The following DSCAM variants were observed in gnomAD, a reference collection of about 807,000 sequenced individuals.
DSCAM encodes the protein DS cell adhesion molecule.
A neutral mutation model predicts 217.7 loss-of-function variants in DSCAM; 47 were observed. That is an observed-to-expected ratio of 0.22 (90% CI 0.17 to 0.28). The LOEUF (loss-of-function observed/expected upper bound fraction) is 0.28, where lower values mean the gene tolerates loss of function less well. Ranked by LOEUF, DSCAM falls within the 10% of genes least tolerant of loss-of-function variation. The pLI, the probability that DSCAM is intolerant of heterozygous loss-of-function variation, is 1.00. For missense variants in DSCAM, 2,080 were observed against 2,618.3 expected, an observed-to-expected ratio of 0.79 and a Z score of 4.49; for synonymous variants, 1,056 against 1,015.3, an observed-to-expected ratio of 1.04 and a Z score of -0.76.
chr21:40,098,580 A>G (rs2089711804), intron 20 of DSCAM, among the ~76,000 whole-genome samples: 1 of 152,192 alleles, frequency 6.6e-6, no homozygotes, highest in Admixed American at 6.5e-5. Flanking sequence ...ACTTACTTTT[A>G]CTCTTGTTAG....
At chr21:40,017,824 T>A (rs2088191693) in intron 32 of DSCAM, among the ~76,000 whole-genome samples, 3 of 152,230 alleles carry the variant, frequency 2.0e-5, no homozygotes, top group Admixed American at 6.5e-5. Flanking sequence ...AGTGTTGGGA[T>A]TACAGGCGTG....
intron 8 of DSCAM, among the ~76,000 whole-genome samples, chr21:40,336,986 A>G (rs1448716670): frequency 1.3e-5 from 2 of 152,216 alleles, no homozygotes; most frequent in Non-Finnish European, 2.9e-5. Context: ...GGTTATTAAA[A>G]ACCGATTTAT....
intron 9 of DSCAM, among the ~76,000 whole-genome samples, chr21:40,300,429 G>C (rs761902325): frequency 2.8e-4 from 42 of 152,186 alleles, no homozygotes; most frequent in Non-Finnish European, 4.3e-4. Context: ...TGAGTAGTCT[G>C]GTTATGTGGG....
chr21:40,165,673 T>C (rs1387513658), intron 16 of DSCAM, among the ~76,000 whole-genome samples: 3 of 152,202 alleles, frequency 2.0e-5, no homozygotes, highest in Admixed American at 6.5e-5. Flanking sequence ...AGATCCTCTG[T>C]GGACAGACAC....
chr21:40,215,899 T>G lies in DSCAM; in HGVS notation c.2357-26661A>C, dbSNP rs1210688361. Among the ~76,000 whole-genome samples the G allele has an allele frequency of 3.3e-5, 5 of 151,492 alleles. No homozygotes were observed. In the East Asian group the frequency reaches 9.7e-4, roughly 29 times the overall value. On this transcript the variant is annotated intron_variant, in intron 11 of 32. Coordinates refer to ENST00000400454, the MANE Select transcript of DSCAM (RefSeq NM_001389.5). ...ATAAATGACTGCCATTTTGTCTACA[T>G]TCTGTATAAAAAAGGTGAAACTGCT...
chr21:40,569,955 G>A (rs1263125411), intron 3 of DSCAM, among the ~76,000 whole-genome samples: 1 of 152,158 alleles, frequency 6.6e-6, no homozygotes, highest in African/African-American at 2.4e-5. Context: ...AAGGACAAAT[G>A]TAGTGAACAA....
chr21:40,193,090 G>T (rs1180093703), intron 11 of DSCAM, among the ~76,000 whole-genome samples: 1 of 152,154 alleles, frequency 6.6e-6, no homozygotes, highest in Non-Finnish European at 1.5e-5. Context: ...TTAAGATTCA[G>T]CATTTATGGT....
At chr21:40,776,845 A>C (rs945013146) in intron 1 of DSCAM, among the ~76,000 whole-genome samples, 1 of 152,228 alleles carries the variant, frequency 6.6e-6, no homozygotes, top group African/African-American at 2.4e-5. Flanking sequence ...TCAAGATGGT[A>C]GAATGAGCTA....
At chr21:40,402,260 G>A (rs796181230) in intron 3 of DSCAM, among the ~76,000 whole-genome samples, 121 of 148,900 alleles carry the variant, frequency 8.1e-4, no homozygotes, top group African/African-American at 2.7e-3. Context: ...TAGTAGAGAC[G>A]GGGTTTCACT....
chr21:40,230,058 C>G (rs1413144169), intron 11 of DSCAM, among the ~76,000 whole-genome samples: 2 of 152,214 alleles, frequency 1.3e-5, no homozygotes, highest in Non-Finnish European at 2.9e-5. Flanking sequence ...ATTTCAAGGT[C>G]ATTTTAACTT....
chr21:40,054,052 T>A (rs1483442051), intron 29 of DSCAM, among the ~76,000 whole-genome samples: 1 of 152,210 alleles, frequency 6.6e-6, no homozygotes, highest in Non-Finnish European at 1.5e-5. Context: ...GCTTATAAAA[T>A]TATATGGTCA....
At chr21:40,468,370 A>G (rs2075861707) in intron 3 of DSCAM, among the ~76,000 whole-genome samples, 1 of 152,192 alleles carries the variant, frequency 6.6e-6, no homozygotes, top group Admixed American at 6.5e-5. Context: ...ATTTCATAGC[A>G]GAGACAGAGA....
At chr21:40,513,425 T>G (rs570695137) in intron 3 of DSCAM, 1 of 152,260 alleles carries the variant, frequency 6.6e-6, no homozygotes, top group African/African-American at 2.4e-5. Flanking sequence ...AAAGAAAAGA[T>G]TGATTTGGCT....
intron 3 of DSCAM, among the ~76,000 whole-genome samples, chr21:40,435,983 T>A (rs1419728327): frequency 1.3e-5 from 2 of 152,194 alleles, no homozygotes; most frequent in Non-Finnish European, 1.5e-5. Context: ...ATTCAACACA[T>A]TTTACAAGAC....
chr21:40,563,674 GTTTAT>G (rs1185441747), intron 3 of DSCAM, among the ~76,000 whole-genome samples: 1 of 118,998 alleles, frequency 8.4e-6, no homozygotes, highest in Non-Finnish European at 1.7e-5. Context: ...TTATATATAT[GTTTAT>G]ATGTTTATAT....
chr21:40,091,696 A>G (rs990754399), intron 21 of DSCAM, among the ~76,000 whole-genome samples: 3 of 152,144 alleles, frequency 2.0e-5, no homozygotes, highest in African/African-American at 7.2e-5. Flanking sequence ...TAATGGACTC[A>G]CAGTGCCACA....
chr21:40,124,151 C>G, intron 20 of DSCAM, 44 bp downstream of exon 20: 1 of 1,612,214 alleles, frequency 6.2e-7, no homozygotes, highest in Non-Finnish European at 8.5e-7. Context: ...TGCAGCTCGT[C>G]CCTGGCAGAC....
chr21:40,312,190 C>G lies in DSCAM; in HGVS notation c.1953G>C (p.Thr651=), dbSNP rs1460447638. The change falls in exon 9 of 33, where the codon ACG becomes ACC. Residue 651 remains threonine, a synonymous_variant. Transcript: ENST00000400454. ...LGVTIDNIDF[T]SSLRISNLSL... ...AGAGATTGGAAATCCTCAAGGAGCTCGTGAAGTCAATATTGTCAATGGTCA... is the reference window on the plus strand; with the variant it reads ...AGAGATTGGAAATCCTCAAGGAGCTGGTGAAGTCAATATTGTCAATGGTCA... 1.2e-6 allele frequency: 2 copies of G among 1,613,898 alleles called. No individual in the cohort carries two copies. Among genetic ancestry groups the G allele is most frequent in the Admixed American group, 1.7e-5 (1 of 59,990 alleles).
intron 3 of DSCAM, among the ~76,000 whole-genome samples, chr21:40,582,465 G>A (rs539341831): frequency 4.6e-5 from 7 of 152,226 alleles, no homozygotes; most frequent in African/African-American, 1.7e-4. Context: ...AAAGGATCAA[G>A]AGCAACACAT....
Sources: allele counts gnomAD v4.1 joint callset (sites outside exome capture counted in the v4.1 genomes callset), GRCh38; gene constraint gnomAD v4.1.1; transcripts MANE v1.5; gene names NCBI Gene and HGNC (gene_info 2026-07-23, HGNC 2026-07-21).